The following ARMC3 variants were observed in gnomAD, a reference collection of about 807,000 sequenced individuals.
ARMC3 encodes the protein armadillo repeat-containing protein 3.
Under a neutral mutation model 90.3 loss-of-function variants are expected in ARMC3, and 74 were observed. The observed-to-expected ratio is 0.82, with a 90% CI of 0.68 to 0.99. The LOEUF (loss-of-function observed/expected upper bound fraction) is 0.99, where lower values mean the gene tolerates loss of function less well. Among genes scored for constraint, ARMC3 ranks in the 50% least tolerant of loss-of-function variants. ARMC3 has a pLI of 0.00. For missense variants in ARMC3, 958 were observed against 1,042.8 expected (o/e 0.92, Z 1.12); for synonymous variants, 334 against 361.8 (o/e 0.92, Z 0.87).
rs190933061 is a variant in ARMC3 at position 23,003,009 on chromosome 10, T to C, written c.1563-237T>C. On this transcript the variant is annotated intron_variant, in intron 12 of 18. Transcript: ENST00000298032. ...GTTTTTAGATGAACAAAGAACTTTTTCCCCCAAAAGCATCCTTTTCCCCTG... is the reference window on the plus strand; with the variant it reads ...GTTTTTAGATGAACAAAGAACTTTTCCCCCCAAAAGCATCCTTTTCCCCTG... Among the ~76,000 whole-genome samples, 28 of 152,326 alleles carry C rather than the reference T, an allele frequency of 1.8e-4. No homozygotes were observed. The East Asian group carries it at 5.4e-3, about 29-fold the overall frequency.
At chr10:23,030,939 T>C (rs1001700468) in intron 17 of ARMC3, 143 bp downstream of exon 17, 1 of 918,178 alleles carries the variant, frequency 1.1e-6, no homozygotes, top group Non-Finnish European at 1.6e-6. Flanking sequence ...ACACAATGAA[T>C]TGGAAAAGTC....
chr10:22,976,131 G>T (rs1232918682), intron 8 of ARMC3, among the ~76,000 whole-genome samples: 1 of 152,188 alleles, frequency 6.6e-6, no homozygotes, highest in Non-Finnish European at 1.5e-5. Context: ...ATAAGAGGAA[G>T]GTGATATAAG....
chr10:23,026,989 C>T (rs1306204547), intron 16 of ARMC3, among the ~76,000 whole-genome samples: 1 of 152,156 alleles, frequency 6.6e-6, no homozygotes, highest in Non-Finnish European at 1.5e-5. Flanking sequence ...GTCTATCCCT[C>T]TACTAGTATC....
At chr10:22,962,142 G>GA in intron 7 of ARMC3, 64 bp downstream of exon 7, 1 of 1,234,770 alleles carries the variant, frequency 8.1e-7, no homozygotes. Flanking sequence ...GTTTAAAAAT[G>GA]AAATTTTATT....
intron 11 of ARMC3, among the ~76,000 whole-genome samples, chr10:22,998,983 G>T (rs762188821): frequency 6.6e-6 from 1 of 152,176 alleles, no homozygotes; most frequent in South Asian, 2.1e-4. Context: ...TCAAGAAAGC[G>T]GTTGCTTCTG....
At chr10:22,939,619 G>A (rs965315082) in intron 2 of ARMC3, among the ~76,000 whole-genome samples, 1 of 152,110 alleles carries the variant, frequency 6.6e-6, no homozygotes, top group Non-Finnish European at 1.5e-5. Context: ...TGATCCATAA[G>A]TAAGATAACT....
chr10:23,037,119 A>G (rs1026559416), intron 18 of ARMC3, 151 bp from the exon 19 acceptor site: 1 of 650,622 alleles, frequency 1.5e-6, no homozygotes, highest in Non-Finnish European at 2.5e-6. Flanking sequence ...TGGCCCCTAT[A>G]CCAATAGTCC....
In ARMC3 at chr10:23,006,976, T is replaced by G. The variant is rs369100341; in HGVS notation, c.1824T>G (p.Ser608=). Reference sequence around the variant, plus strand: ...CTGTACTCTTAATCAACAGTAAATCTTACGTGTGAGTCTCTGCAGGGAGAG... The same window carrying G: ...CTGTACTCTTAATCAACAGTAAATCGTACGTGTGAGTCTCTGCAGGGAGAG... The part of the protein sequence containing the change: ...LRAVLLINSK[S]YVSPPSSMED... Residue 608 remains serine, a synonymous_variant, in exon 14 of 19, where the codon TCT becomes TCG. Transcript: ENST00000298032. 1 of 1,604,878 alleles carries G rather than the reference T, an allele frequency of 6.2e-7. No homozygotes were observed. The highest frequency in any genetic ancestry group is 8.5e-7 in the Non-Finnish European group (1 of 1,175,352).
intron 8 of ARMC3, among the ~76,000 whole-genome samples, chr10:22,976,150 T>A (rs1383647493): frequency 2.0e-5 from 3 of 152,216 alleles, no homozygotes; most frequent in Non-Finnish European, 2.9e-5. Flanking sequence ...AGTTCAGAGC[T>A]TTCTAAGAGG....
At chr10:23,002,111 G>T in intron 12 of ARMC3, 56 bp downstream of exon 12, 3 of 1,589,630 alleles carry the variant, frequency 1.9e-6, no homozygotes, top group Middle Eastern at 2.0e-4. Context: ...AGACGGAGAG[G>T]CACACTCTTT....
chr10:22,969,938 G>A (rs1236720195), intron 8 of ARMC3, among the ~76,000 whole-genome samples: 1 of 152,070 alleles, frequency 6.6e-6, no homozygotes, highest in Non-Finnish European at 1.5e-5. Flanking sequence ...AGAGTTCCTG[G>A]TACTAGAGTT....
chr10:22,997,416 T>G (rs1837036852), intron 10 of ARMC3: 1 of 152,184 alleles, frequency 6.6e-6, no homozygotes, highest in Non-Finnish European at 1.5e-5. Context: ...GAAAAAATGT[T>G]AGTATATTAA....
At chr10:22,946,330 C>T (rs1024882733) in intron 3 of ARMC3, 69 bp downstream of exon 3, 2 of 1,039,830 alleles carry the variant, frequency 1.9e-6, no homozygotes, top group African/African-American at 1.6e-5. Context: ...CTCTTGGGCA[C>T]TTTTCTTCCT....
chr10:22,939,688 A>G (rs1834247422), intron 2 of ARMC3, among the ~76,000 whole-genome samples: 2 of 152,180 alleles, frequency 1.3e-5, no homozygotes, highest in East Asian at 1.9e-4. Context: ...CCAGCCCCCA[A>G]AAGAATCTAG....
intron 5 of ARMC3, 82 bp from the exon 6 acceptor site, chr10:22,959,317 T>C: frequency 7.0e-7 from 1 of 1,427,474 alleles, no homozygotes; most frequent in South Asian, 1.3e-5. Context: ...TTTGTGGAGC[T>C]TTGGTTTCCA....
chr10:23,007,213 C>T lies in ARMC3; in HGVS notation c.1829+232C>T, dbSNP rs1384911874. Among the ~76,000 whole-genome samples, 4 of 152,214 alleles carry T rather than the reference C, an allele frequency of 2.6e-5. No homozygotes were observed. In the East Asian group the frequency reaches 7.7e-4, roughly 29 times the overall value. ...GCTCTCTTTCTTTGACTCTATACTG[C>T]CAGTCAATTTCAAGTGTATTCTGAA... On this transcript the variant is annotated intron_variant, in intron 14 of 18. Transcript: ENST00000298032.
chr10:22,986,809 T>C (rs1836471487), intron 10 of ARMC3, among the ~76,000 whole-genome samples: 1 of 152,040 alleles, frequency 6.6e-6, no homozygotes, highest in African/African-American at 2.4e-5. Context: ...CTAATTATTA[T>C]CTACAGAATA....
At chr10:23,019,541 T>G (rs2131531820) in intron 16 of ARMC3, among the ~76,000 whole-genome samples, 1 of 152,310 alleles carries the variant, frequency 6.6e-6, no homozygotes, top group Admixed American at 6.5e-5. Flanking sequence ...TTTTCTGTTT[T>G]GCTTTGTTTT....
chr10:23,008,732 C>T lies in ARMC3; in HGVS notation c.1929-83C>T, dbSNP rs144068913. 2.1e-3 allele frequency: 2,421 copies of T among 1,146,640 alleles called. 32 individuals are homozygous for T. In the African/African-American group the frequency reaches 0.029, roughly 14 times the overall value. The allele number at this position is 1,146,640 out of a possible 1,614,324, so 71.0% of individuals were successfully genotyped here. A position where few individuals can be genotyped will look rare whatever the true frequency, so the allele number is the denominator to read the frequency against. On this transcript the variant is annotated intron_variant, in intron 15 of 18. Transcript: ENST00000298032. Reference sequence around the variant, plus strand: ...AAATTGTATAATGAAGTAAAAATGCCTTGTAAGCTCTAAATGCAAATGTAA... The same window carrying T: ...AAATTGTATAATGAAGTAAAAATGCTTTGTAAGCTCTAAATGCAAATGTAA...
Sources: gnomAD v4.1 joint callset for allele counts (sites outside exome capture counted in the v4.1 genomes callset) on GRCh38, gnomAD v4.1.1 for gene constraint, MANE v1.5 for transcripts, NCBI Gene and HGNC (gene_info 2026-07-23, HGNC 2026-07-21) for gene names.